PNPLA6: variants seen among roughly 807,000 people sequenced by gnomAD.
PNPLA6 encodes the protein patatin-like phospholipase domain-containing protein 6.
PNPLA6 carries 105 observed loss-of-function variants against 153.7 expected under a neutral mutation model. The ratio of observed to expected loss-of-function variants is 0.68; its 90% confidence interval spans 0.58 to 0.80. PNPLA6 has a LOEUF of 0.80. PNPLA6 is among the 30% of genes least tolerant of loss of function. The pLI is 0.00. For missense variants in PNPLA6, 1,423 were observed against 1,919.3 expected (o/e 0.74, Z 4.83); for synonymous variants, 825 against 822.2 (o/e 1.00, Z -0.06).
In PNPLA6 at chr19:7,560,819, G is replaced by A. The variant is rs964399156; in HGVS notation, c.3816+55G>A. The A allele has an allele frequency of 2.4e-6, 3 of 1,233,426 alleles. No individual in the cohort carries two copies. In the African/African-American group the frequency reaches 4.4e-5, roughly 18 times the overall value. The allele number at this position is 1,233,426 out of a possible 1,614,324, so 76.4% of individuals were successfully genotyped here. On this transcript the variant is annotated intron_variant, in intron 29 of 31. Transcript: ENST00000600737. Reference sequence around the variant, plus strand: ...TGACTCCACTGATTACAGAACCCAAGCCCCCTTAAAGTCTCCCCGAAACCT... The same window carrying A: ...TGACTCCACTGATTACAGAACCCAAACCCCCTTAAAGTCTCCCCGAAACCT...
rs541098659 is a variant in PNPLA6 at position 7,556,463 on chromosome 19, C to T, written c.3104C>T (p.Ser1035Leu). The T allele has an allele frequency of 3.1e-6, 5 of 1,610,244 alleles. No homozygotes were observed. Among genetic ancestry groups the T allele is most frequent in the Admixed American group, 1.7e-5 (1 of 60,018 alleles). The stretch of plus-strand genomic sequence containing the variant: ...GCCCCTTGTCCCTAGAGCATGACTT[C>T]GGTGCTGGAACCTGTGTTGGACCTC... ...RAREWAKSMT[S>L]VLEPVLDLTY... Residue 1035 changes from serine to leucine, a missense_variant, in exon 25 of 32, where the codon TCG becomes TTG. Ser to Leu is a moderately radical substitution (Grantham distance 145, BLOSUM62 -2). Coordinates refer to ENST00000600737, the MANE Select transcript of PNPLA6 (RefSeq NM_001166114.2).
chr19:7,543,530 G>A (rs1387557806), intron 13 of PNPLA6, among the ~76,000 whole-genome samples: 1 of 152,198 alleles, frequency 6.6e-6, no homozygotes, highest in East Asian at 1.9e-4. Context: ...GGGCCTTGTG[G>A]CGGCACCCAG....
At chr19:7,560,946 C>T in intron 29 of PNPLA6, 68 bp from the exon 30 acceptor site, 3 of 948,368 alleles carry the variant, frequency 3.2e-6, no homozygotes, top group Non-Finnish European at 5.0e-6. Context: ...CAATGCACCA[C>T]TGGGCCCCCC....
In PNPLA6 at chr19:7,541,503, A is replaced by G. The variant is rs1327871235; in HGVS notation, c.1006-19A>G. The G allele has an allele frequency of 5.0e-6, 8 of 1,611,580 alleles. No homozygotes were observed. The highest frequency in any genetic ancestry group is 6.8e-6 in the Non-Finnish European group (8 of 1,179,114). ...GGTCTCCCTCCCAGGACAGGCCACA[A>G]GCTGTTCTCTGCCCCCAGGAGATCC... is the stretch of plus-strand genomic sequence containing the variant. On this transcript the variant is annotated intron_variant, in intron 8 of 31. Coordinates refer to ENST00000600737, the MANE Select transcript of PNPLA6 (RefSeq NM_001166114.2). This position sits in a 1 kb window ranked among gnomAD's most constrained non-coding sequence, Gnocchi z 5.2.
chr19:7,549,786 G>A lies in PNPLA6; in HGVS notation c.1609-121G>A, dbSNP rs1178189563. 6.1e-6 allele frequency: 6 copies of A among 985,574 alleles called. No individual in the cohort carries two copies. In the East Asian group the frequency reaches 1.3e-4, roughly 21 times the overall value. The allele number at this position is 985,574 out of a possible 1,614,324, so 61.1% of individuals were successfully genotyped here. A position where few individuals can be genotyped will look rare whatever the true frequency, so the allele number is the denominator to read the frequency against. On this transcript the variant is annotated intron_variant, in intron 13 of 31. Transcript: ENST00000600737. ...ACAGCCGTGAGCCACCGCGCCCTGC[G>A]CCTTCATATTTTTCTTAACCCTTCC...
intron 21 of PNPLA6, 62 bp from the exon 22 acceptor site, chr19:7,554,831 G>A: frequency 6.4e-7 from 1 of 1,570,922 alleles, no homozygotes; most frequent in East Asian, 2.3e-5. Flanking sequence ...GGCGATCAGG[G>A]ACCCAGGTGT....
Position 7,550,646 on chromosome 19 carries a change from C to G in PNPLA6, c.2070+6C>G, listed in dbSNP as rs767553399. ...GCGGCGACCTCATCGGCGTGGTGAGCGCGACCCCCACCCACTGACCTCTGG... is the reference window on the plus strand; with the variant it reads ...GCGGCGACCTCATCGGCGTGGTGAGGGCGACCCCCACCCACTGACCTCTGG... On this transcript the variant is annotated splice_donor_region_variant and intron_variant, in intron 16 of 31. Coordinates refer to ENST00000600737, the MANE Select transcript of PNPLA6 (RefSeq NM_001166114.2). 1.2e-6 allele frequency: 2 copies of G among 1,609,844 alleles called. No homozygotes were observed. The highest frequency in any genetic ancestry group is 3.3e-5 in the Admixed American group (2 of 59,830).
At chr19:7,553,783 G>C in intron 18 of PNPLA6, 92 bp from the exon 19 acceptor site, 1 of 1,541,132 alleles carries the variant, frequency 6.5e-7, no homozygotes, top group Non-Finnish European at 9.0e-7. Flanking sequence ...AAGAATTTCA[G>C]ATAAGGAGGA....
intron 27 of PNPLA6, 44 bp downstream of exon 27, chr19:7,557,328 C>T (rs1474929080): frequency 8.4e-7 from 1 of 1,185,226 alleles, no homozygotes; most frequent in Non-Finnish European, 1.3e-6. Context: ...GCACCTCCCG[C>T]ACCACACACA....
intron 24 of PNPLA6, among the ~76,000 whole-genome samples, chr19:7,556,234 T>C (rs2023875587): frequency 6.6e-6 from 1 of 151,742 alleles, no homozygotes; most frequent in Non-Finnish European, 1.5e-5. Flanking sequence ...GCAAATTTTT[T>C]TGTATTTTAG....
chr19:7,555,189 G>A lies in PNPLA6; in HGVS notation c.2818-60G>A. 6.5e-7 allele frequency: 1 copy of A among 1,529,356 alleles called. No individual in the cohort carries two copies. The highest frequency in any genetic ancestry group is 8.9e-7 in the Non-Finnish European group (1 of 1,125,266). 94.7% of individuals were successfully genotyped at this position (1,529,356 alleles called of 1,614,324 possible). On this transcript the variant is annotated intron_variant, in intron 22 of 31. Transcript: ENST00000600737. This position sits in a 1 kb window ranked among gnomAD's most constrained non-coding sequence, Gnocchi z 6.3. ...CAGGCTCGAAGGTCAGGGTACCCCT[G>A]GGGGATCCGCCGGACCCCGCCCTCA... is the stretch of plus-strand genomic sequence containing the variant.
rs1263022886 is a variant in PNPLA6 at position 7,555,350 on chromosome 19, A to G, written c.2919A>G (p.Leu973=). 3 of 1,351,838 alleles carry G rather than the reference A, an allele frequency of 2.2e-6. No homozygotes were observed. The highest frequency in any genetic ancestry group is 1.5e-5 in the African/African-American group (1 of 65,622). The allele number at this position is 1,351,838 out of a possible 1,614,324, so 83.7% of individuals were successfully genotyped here. Residue 973 remains leucine, a synonymous_variant, in exon 23 of 32, where the codon CTA becomes CTG. Transcript: ENST00000600737. This position sits in a 1 kb window ranked among gnomAD's most constrained non-coding sequence, Gnocchi z 6.3. ...VLTGNTIALV[L]GGGGARGCSH... ...CGGGGAACACCATTGCCCTTGTGCTAGGCGGGGGCGGGGCCAGGTGAGGGC... is the reference window on the plus strand; with the variant it reads ...CGGGGAACACCATTGCCCTTGTGCTGGGCGGGGGCGGGGCCAGGTGAGGGC...
intron 13 of PNPLA6, among the ~76,000 whole-genome samples, chr19:7,549,504 TTA>T (rs1491503750): frequency 0.086 from 12,676 of 147,970 alleles, 954 homozygotes; most frequent in African/African-American, 0.19. Context: ...CTTTTTTTTT[TTA>T]AAGACAGTGT....
rs938349720 is a variant in PNPLA6 at position 7,541,742 on chromosome 19, G to A, written c.1168+58G>A. On this transcript the variant is annotated intron_variant, in intron 9 of 31. Coordinates refer to ENST00000600737, the MANE Select transcript of PNPLA6 (RefSeq NM_001166114.2). This position sits in a 1 kb window ranked among gnomAD's most constrained non-coding sequence, Gnocchi z 5.2. Reference sequence around the variant, plus strand: ...TCTCCCAGGAAGCCCCGTCTCAGCCGCCAGCCCCTTTTTCAGTTCTGCATA... The same window carrying A: ...TCTCCCAGGAAGCCCCGTCTCAGCCACCAGCCCCTTTTTCAGTTCTGCATA... The A allele has an allele frequency of 2.6e-6, 4 of 1,518,528 alleles. No homozygotes were observed. In the East Asian group the frequency reaches 7.3e-5, roughly 28 times the overall value. The allele number at this position is 1,518,528 out of a possible 1,614,324, so 94.1% of individuals were successfully genotyped here. A position where few individuals can be genotyped will look rare whatever the true frequency, so the allele number is the denominator to read the frequency against.
rs888892152 is a variant in PNPLA6 at position 7,555,122 on chromosome 19, C to G, written c.2817+47C>G. The G allele has an allele frequency of 6.4e-7, 1 of 1,572,118 alleles. No homozygotes were observed. The highest frequency in any genetic ancestry group is 8.6e-7 in the Non-Finnish European group (1 of 1,165,476). Reference sequence around the variant, plus strand: ...ACCTTCTAGGGGCGTGGCTGGTGGGCGAGGCTTGGGAGACTGGGGCGGGGC... The same window carrying G: ...ACCTTCTAGGGGCGTGGCTGGTGGGGGAGGCTTGGGAGACTGGGGCGGGGC... On this transcript the variant is annotated intron_variant, in intron 22 of 31. Transcript: ENST00000600737. The surrounding 1 kb of genome is among the most constrained non-coding windows in gnomAD (Gnocchi z 6.3).
Position 7,541,161 on chromosome 19 carries a change from G to A in PNPLA6, c.924+110G>A. On this transcript the variant is annotated intron_variant, in intron 7 of 31. Coordinates refer to ENST00000600737, the MANE Select transcript of PNPLA6 (RefSeq NM_001166114.2). This position sits in a 1 kb window ranked among gnomAD's most constrained non-coding sequence, Gnocchi z 5.2. The stretch of plus-strand genomic sequence containing the variant: ...AGCAGCCAGCAGGCGCTGGAGCTGT[G>A]GTTATCGGCCTGGAGCAGCCAGATG... 1 of 1,357,428 alleles carries A rather than the reference G, an allele frequency of 7.4e-7. No individual in the cohort carries two copies. Among genetic ancestry groups the A allele is most frequent in the Admixed American group, 2.0e-5 (1 of 51,132 alleles). 84.1% of individuals were successfully genotyped at this position (1,357,428 alleles called of 1,614,324 possible).
In PNPLA6 at chr19:7,555,226, C is replaced by T. The variant is rs762263747; in HGVS notation, c.2818-23C>T. On this transcript the variant is annotated intron_variant, in intron 22 of 31. Coordinates refer to ENST00000600737, the MANE Select transcript of PNPLA6 (RefSeq NM_001166114.2). This position sits in a 1 kb window ranked among gnomAD's most constrained non-coding sequence, Gnocchi z 6.3. ...GGACCCCGCCCTCATGCTCCTGGGT[C>T]GCGACTATCTCCCCCATCCCAGCAT... 2 of 1,571,772 alleles carry T rather than the reference C, an allele frequency of 1.3e-6. No homozygotes were observed. Among genetic ancestry groups the T allele is most frequent in the Admixed American group, 1.8e-5 (1 of 55,916 alleles).
In PNPLA6 at chr19:7,536,214, C is replaced by A. The variant is rs1389237676; in HGVS notation, c.256C>A (p.Arg86=). ...AGAAACCCCAGCCCCGGATGGCCCCCGGTATCGGTTCCGGAAGAGGGACAA... is the reference window on the plus strand; with the variant it reads ...AGAAACCCCAGCCCCGGATGGCCCCAGGTATCGGTTCCGGAAGAGGGACAA... ...VPKTPAPDGP[R]YRFRKRDKVL... is the part of the protein sequence containing the mutation. The change falls in exon 2 of 32, where the codon CGG becomes AGG. Residue 86 remains arginine, a synonymous_variant. Transcript: ENST00000600737. 5 of 1,613,490 alleles carry A rather than the reference C, an allele frequency of 3.1e-6. No homozygotes were observed. The South Asian group carries it at 5.5e-5, about 18-fold the overall frequency.
intron 10 of PNPLA6, 87 bp from the exon 11 acceptor site, chr19:7,542,474 A>G (rs532279827): frequency 2.1e-6 from 2 of 965,390 alleles, no homozygotes; most frequent in South Asian, 2.7e-5. Context: ...AGCTGGAACT[A>G]CAGGCCTGCA....
Sources: gnomAD v4.1 joint callset for allele counts (sites outside exome capture counted in the v4.1 genomes callset) on GRCh38, gnomAD v4.1.1 for gene constraint, Gnocchi (gnomAD v3.1) non-coding constraint, MANE v1.5 for transcripts, NCBI Gene and HGNC (gene_info 2026-07-23, HGNC 2026-07-21) for gene names.